QTMAN: variants seen among roughly 807,000 people sequenced by gnomAD.
The protein encoded by QTMAN is tRNA-queuosine alpha-mannosyltransferase.
chr2:144,014,082 T>C, the QTMAN span, among the ~76,000 whole-genome samples: 1 of 152,184 alleles, frequency 6.6e-6, no homozygotes, highest in Non-Finnish European at 1.5e-5. Flanking sequence ...AATGAGATGT[T>C]TGGAGACCAC....
the QTMAN span, among the ~76,000 whole-genome samples, chr2:144,299,899 G>A: frequency 6.6e-6 from 1 of 152,092 alleles, no homozygotes; most frequent in African/African-American, 2.4e-5. Flanking sequence ...AATAAAATGT[G>A]GTATATGTAT....
the QTMAN span, among the ~76,000 whole-genome samples, chr2:144,092,370 T>C: frequency 1.3e-5 from 2 of 152,026 alleles, no homozygotes; most frequent in Middle Eastern, 6.8e-3. Flanking sequence ...AGAGACAGGG[T>C]TTCACTGTGT....
the QTMAN span, among the ~76,000 whole-genome samples, chr2:144,283,071 T>G: frequency 6.6e-6 from 1 of 152,230 alleles, no homozygotes; most frequent in African/African-American, 2.4e-5. Context: ...GCCGTTCATT[T>G]GTATCCTTTA....
the QTMAN span, among the ~76,000 whole-genome samples, chr2:144,162,680 A>C: frequency 6.6e-6 from 1 of 152,212 alleles, no homozygotes; most frequent in African/African-American, 2.4e-5. Flanking sequence ...GGCAACTGGC[A>C]ACAAGAGAGA....
chr2:144,020,911 A>T, the QTMAN span, among the ~76,000 whole-genome samples: 123 of 152,264 alleles, frequency 8.1e-4, no homozygotes, highest in Middle Eastern at 6.8e-3. Flanking sequence ...AACTAAAAAA[A>T]AAATAAATAA....
chr2:143,952,450 AT>A, the QTMAN span, among the ~76,000 whole-genome samples: 1 of 151,334 alleles, frequency 6.6e-6, no homozygotes, highest in Non-Finnish European at 1.5e-5. Flanking sequence ...TCAGTCCCTG[AT>A]TTTTCTGTGT....
the QTMAN span, among the ~76,000 whole-genome samples, chr2:144,173,852 C>G: frequency 2.0e-5 from 3 of 152,152 alleles, no homozygotes; most frequent in Non-Finnish European, 4.4e-5. Flanking sequence ...TTAGTTCTCA[C>G]AAGAACTGGC....
At chr2:144,182,801 TATATATA>T in the QTMAN span, among the ~76,000 whole-genome samples, 8 of 13,420 alleles carry the variant, frequency 6.0e-4, no homozygotes, top group African/African-American at 6.7e-4. Context: ...ATATATATTA[TATATATA>T]ATATATATAT....
At chr2:144,023,308 G>GAA in the QTMAN span, among the ~76,000 whole-genome samples, 2,489 of 149,378 alleles carry the variant, frequency 0.017, 62 homozygotes, top group African/African-American at 0.054. Flanking sequence ...CCTTAAAAAG[G>GAA]AAAAAAAAAG....
the QTMAN span, among the ~76,000 whole-genome samples, chr2:144,277,957 AG>A: frequency 6.6e-6 from 1 of 152,278 alleles, no homozygotes; most frequent in South Asian, 2.1e-4. Flanking sequence ...GAGTTTCCCA[AG>A]GAGAAGCACT....
At chr2:144,109,926 C>CT in the QTMAN span, among the ~76,000 whole-genome samples, 1 of 152,154 alleles carries the variant, frequency 6.6e-6, no homozygotes, top group African/African-American at 2.4e-5. Context: ...AATAGGAACA[C>CT]TTTTACACTG....
chr2:144,003,068 T>C, the QTMAN span, among the ~76,000 whole-genome samples: 4 of 151,978 alleles, frequency 2.6e-5, no homozygotes, highest in Non-Finnish European at 5.9e-5. Context: ...ATTATTTATG[T>C]TAACATATAT....
the QTMAN span, among the ~76,000 whole-genome samples, chr2:143,998,437 G>T: frequency 2.0e-5 from 3 of 151,134 alleles, no homozygotes; most frequent in South Asian, 4.2e-4. Flanking sequence ...GACAGAAGGG[G>T]GGGGAAAGCT....
chr2:143,999,921 T>C, the QTMAN span, among the ~76,000 whole-genome samples: 1 of 152,076 alleles, frequency 6.6e-6, no homozygotes, highest in Non-Finnish European at 1.5e-5. Flanking sequence ...AGTACCAAGA[T>C]TGTGACTGCT....
chr2:144,037,077 A>C, the QTMAN span, among the ~76,000 whole-genome samples: 1 of 152,220 alleles, frequency 6.6e-6, no homozygotes, highest in Non-Finnish European at 1.5e-5. Context: ...AGGAGATAGA[A>C]CACAGACTGA....
At chr2:144,119,207 G>T in the QTMAN span, among the ~76,000 whole-genome samples, 1 of 152,266 alleles carries the variant, frequency 6.6e-6, no homozygotes, top group South Asian at 2.1e-4. Context: ...TAACTACAAA[G>T]AATTAAAATT....
At chr2:144,054,401 T>C in the QTMAN span, among the ~76,000 whole-genome samples, 3 of 152,134 alleles carry the variant, frequency 2.0e-5, no homozygotes, top group African/African-American at 7.2e-5. Context: ...GGTAGATACC[T>C]TGCGGATCAT....
chr2:144,157,330 A>AT, the QTMAN span, among the ~76,000 whole-genome samples: 1 of 152,018 alleles, frequency 6.6e-6, no homozygotes. Context: ...TGAGGGTCAC[A>AT]TATCTGAAGA....
the QTMAN span, among the ~76,000 whole-genome samples, chr2:144,291,075 C>A: frequency 2.0e-5 from 3 of 152,290 alleles, no homozygotes; most frequent in South Asian, 6.2e-4. Context: ...CTTGTAAATA[C>A]TGTTCTCTAG....
Sources: allele counts gnomAD v4.1 joint callset (sites outside exome capture counted in the v4.1 genomes callset), GRCh38; gene constraint gnomAD v4.1.1; transcripts MANE v1.5; gene names NCBI Gene and HGNC (gene_info 2026-07-23, HGNC 2026-07-21).